Variants in PKNOX2 observed in about 807,000 individuals in gnomAD.
PKNOX2 encodes the protein homeobox protein PKNOX2.
In PKNOX2, 14 loss-of-function variants were observed where a neutral mutation model predicts 53.1. That is an observed-to-expected ratio of 0.26 (90% CI 0.17 to 0.41). The LOEUF (loss-of-function observed/expected upper bound fraction) is 0.41, where lower values mean the gene tolerates loss of function less well. PKNOX2 is among the 10% of genes least tolerant of loss of function. The pLI is 1.00. For synonymous variants in PKNOX2, 257 were observed against 242.8 expected (o/e 1.06, Z -0.54); for missense variants, 496 against 602.8 (o/e 0.82, Z 1.85).
At chr11:125,380,739 C>T (rs1397922784) in intron 5 of PKNOX2, among the ~76,000 whole-genome samples, 1 of 152,220 alleles carries the variant, frequency 6.6e-6, no homozygotes, top group Non-Finnish European at 1.5e-5. Flanking sequence ...CCCCACCCAT[C>T]CCTGGCTCAC....
chr11:125,377,935 A>G (rs1299147795), intron 5 of PKNOX2, among the ~76,000 whole-genome samples: 1 of 152,240 alleles, frequency 6.6e-6, no homozygotes, highest in Non-Finnish European at 1.5e-5. Flanking sequence ...CTGAGGCCAC[A>G]TGATGAAGAG....
At chr11:125,265,561 C>T (rs1025342769) in intron 2 of PKNOX2, among the ~76,000 whole-genome samples, 3 of 152,188 alleles carry the variant, frequency 2.0e-5, no homozygotes, top group East Asian at 1.9e-4. Context: ...CCTCTGCTGC[C>T]GCCTCACCCT....
At chr11:125,374,754 TC>T (rs1952741562) in intron 5 of PKNOX2, among the ~76,000 whole-genome samples, 1 of 152,184 alleles carries the variant, frequency 6.6e-6, no homozygotes. Flanking sequence ...ATGACTTTTA[TC>T]CTCACAAGGT....
intron 2 of PKNOX2, among the ~76,000 whole-genome samples, chr11:125,260,764 G>A (rs551588821): frequency 2.0e-5 from 3 of 152,244 alleles, no homozygotes; most frequent in East Asian, 3.9e-4. Context: ...GGCTGAGGAC[G>A]TCTCGCTGTG....
intron 4 of PKNOX2, among the ~76,000 whole-genome samples, chr11:125,359,500 G>A (rs896219924): frequency 4.6e-5 from 7 of 152,102 alleles, no homozygotes; most frequent in Non-Finnish European, 1.0e-4. Context: ...ACTCCAACTC[G>A]CCTGAGCAGG....
In PKNOX2 at chr11:125,178,634, GAAAGAAA is replaced by G. The variant is rs1449470961; in HGVS notation, c.-201+13859_-201+13865del. ...GGAAAGAAAGAAAGAAAGAAAGAAAGAAAGAAAGAAAGAAGGAAGGAAGGAAGGAAGG... is the reference window on the plus strand; with the variant it reads ...GGAAAGAAAGAAAGAAAGAAAGAAAGGAAAGAAGGAAGGAAGGAAGGAAGG... On this transcript the variant is annotated intron_variant, in intron 1 of 12. Coordinates refer to ENST00000298282, the MANE Select transcript of PKNOX2 (RefSeq NM_001382323.2). Among the ~76,000 whole-genome samples, 128 of 94,290 alleles carry G rather than the reference GAAAGAAA, an allele frequency of 1.4e-3. 1 individual carries two copies. The highest frequency in any genetic ancestry group is 2.5e-3 in the African/African-American group (35 of 13,892). The allele number at this position is 94,290 out of a possible 152,430, so 61.9% of individuals were successfully genotyped here. A position where few individuals can be genotyped will look rare whatever the true frequency, so the allele number is the denominator to read the frequency against.
chr11:125,245,402 A>T (rs1943483486), intron 2 of PKNOX2, among the ~76,000 whole-genome samples: 1 of 152,236 alleles, frequency 6.6e-6, no homozygotes. Flanking sequence ...CAACACATTC[A>T]TGTTTCCACT....
intron 5 of PKNOX2, 142 bp downstream of exon 5, chr11:125,368,127 C>T (rs1952294877): frequency 1.9e-6 from 2 of 1,057,794 alleles, no homozygotes; most frequent in Non-Finnish European, 2.6e-6. Context: ...CCTTCCCTCT[C>T]TACTCAATCC....
intron 2 of PKNOX2, among the ~76,000 whole-genome samples, chr11:125,260,676 A>C (rs1944778938): frequency 6.6e-6 from 1 of 152,056 alleles, no homozygotes; most frequent in Admixed American, 6.5e-5. Flanking sequence ...GGCTTTCGTG[A>C]GTTGCATTTG....
intron 2 of PKNOX2, among the ~76,000 whole-genome samples, chr11:125,260,776 C>T (rs1944785335): frequency 6.6e-6 from 1 of 152,134 alleles, no homozygotes; most frequent in African/African-American, 2.4e-5. Context: ...CTCGCTGTGG[C>T]CTTGAGGACA....
chr11:125,224,982 G>A (rs1406703552), intron 1 of PKNOX2, among the ~76,000 whole-genome samples: 2 of 152,240 alleles, frequency 1.3e-5, no homozygotes, highest in Non-Finnish European at 2.9e-5. Flanking sequence ...TCTGGGTGCT[G>A]GGTGCTCCCT....
rs913955193 is a variant in PKNOX2, at chr11:125,410,505, G to A, written c.718+180G>A. 38 of 912,362 alleles carry A rather than the reference G, an allele frequency of 4.2e-5. 1 individual carries two copies. Among genetic ancestry groups the A allele is most frequent in the Non-Finnish European group, 5.6e-5 (35 of 620,886 alleles). 56.5% of individuals were successfully genotyped at this position (912,362 alleles called of 1,614,324 possible). The stretch of plus-strand genomic sequence containing the variant: ...TTAGCGCCAAGACCCAATTGTGATG[G>A]TTTAGAACAAATTTGGGTCAAAATC... On this transcript the variant is annotated intron_variant, in intron 8 of 12. Coordinates refer to ENST00000298282, the MANE Select transcript of PKNOX2 (RefSeq NM_001382323.2).
intron 10 of PKNOX2, among the ~76,000 whole-genome samples, chr11:125,419,707 AG>A (rs1289081519): frequency 6.6e-6 from 1 of 151,794 alleles, no homozygotes; most frequent in African/African-American, 2.4e-5. Context: ...TTAGTTCAAA[AG>A]CTTGCTTTAC....
At chr11:125,411,076 C>G in intron 9 of PKNOX2, 200 bp downstream of exon 9, 1 of 548,460 alleles carries the variant, frequency 1.8e-6, no homozygotes, top group South Asian at 2.1e-5. Context: ...CTGCCTCCCT[C>G]CTGGGGTTAC....
At chr11:125,229,667 G>A (rs1283430579) in intron 1 of PKNOX2, among the ~76,000 whole-genome samples, 1 of 152,172 alleles carries the variant, frequency 6.6e-6, no homozygotes, top group Non-Finnish European at 1.5e-5. Context: ...GACAAGGAGA[G>A]TTGGGTTAAT....
In PKNOX2 at chr11:125,166,520, C is replaced by T. The variant is rs1954888838; in HGVS notation, c.-201+1744C>T. On this transcript the variant is annotated intron_variant, in intron 1 of 12. Transcript: ENST00000298282. The surrounding 1 kb of genome is among the most constrained non-coding windows in gnomAD (Gnocchi z 4.0). The stretch of plus-strand genomic sequence containing the variant: ...TGGGAGTGGATCTGAGGTCCCGACC[C>T]AGGCGGCTCGGAGTGCTCCAGGAGC... 1.3e-5 allele frequency among the ~76,000 whole-genome samples: 2 copies of T among 152,122 alleles called. No homozygotes were observed. Among genetic ancestry groups the T allele is most frequent in the African/African-American group, 2.4e-5 (1 of 41,440 alleles).
At chr11:125,337,426 C>A (rs549476050) in intron 3 of PKNOX2, among the ~76,000 whole-genome samples, 1 of 152,328 alleles carries the variant, frequency 6.6e-6, no homozygotes, top group South Asian at 2.1e-4. Flanking sequence ...CTGGCTTTGT[C>A]TTCATACTTG....
intron 2 of PKNOX2, among the ~76,000 whole-genome samples, chr11:125,269,212 C>T (rs1009421229): frequency 1.3e-5 from 2 of 152,152 alleles, no homozygotes; most frequent in Non-Finnish European, 2.9e-5. Context: ...TCAAAAACCT[C>T]GATAACGCTT....
At chr11:125,189,072 T>G (rs1956625595) in intron 1 of PKNOX2, among the ~76,000 whole-genome samples, 1 of 151,886 alleles carries the variant, frequency 6.6e-6, no homozygotes, top group Non-Finnish European at 1.5e-5. Flanking sequence ...AAGGCTGCGT[T>G]TTTGCTCTCT....
Sources: gnomAD v4.1 joint callset for allele counts (sites outside exome capture counted in the v4.1 genomes callset) on GRCh38, gnomAD v4.1.1 for gene constraint, Gnocchi (gnomAD v3.1) non-coding constraint, MANE v1.5 for transcripts, NCBI Gene and HGNC (gene_info 2026-07-23, HGNC 2026-07-21) for gene names.